Variants in CBFA2T2 observed in about 807,000 individuals in gnomAD.
CBFA2T2 encodes the protein CBFA2/RUNX1 partner transcriptional co-repressor 2.
In CBFA2T2, 11 loss-of-function variants were observed where a neutral mutation model predicts 62.2. That is an observed-to-expected ratio of 0.18 (90% CI 0.11 to 0.29). The LOEUF is 0.29. Ranked by LOEUF, CBFA2T2 falls within the 10% of genes least tolerant of loss-of-function variation. The pLI is 1.00. For synonymous variants in CBFA2T2, 295 were observed against 287.5 expected (o/e 1.03, Z -0.27); for missense variants, 592 against 774.1 (o/e 0.76, Z 2.79).
chr20:33,504,803 G>C lies in CBFA2T2; in HGVS notation c.34+14502G>C, dbSNP rs183272388. ...TAATGTATGACAGTTTCACTTGCTTGTTGGTATTTTTGTTTTGTTTTGTTT... is the reference window on the plus strand; with the variant it reads ...TAATGTATGACAGTTTCACTTGCTTCTTGGTATTTTTGTTTTGTTTTGTTT... On this transcript the variant is annotated intron_variant, in intron 1 of 10. Coordinates refer to ENST00000342704, the MANE Select transcript of CBFA2T2 (RefSeq NM_001032999.3). 4.6e-5 allele frequency among the ~76,000 whole-genome samples: 7 copies of C among 152,182 alleles called. No homozygotes were observed. The East Asian group carries it at 1.3e-3, about 29-fold the overall frequency.
In CBFA2T2 at chr20:33,611,342, A is replaced by G; in HGVS notation, c.420+7A>G. The G allele has an allele frequency of 6.2e-7, 1 of 1,613,128 alleles. No homozygotes were observed. The highest frequency in any genetic ancestry group is 8.5e-7 in the Non-Finnish European group (1 of 1,179,124). The stretch of plus-strand genomic sequence containing the variant: ...TCTTGTTCTTGCACTGGTGGTAAGT[A>G]CAGCCTCACTGTTGTTCTCAGCTGC... On this transcript the variant is annotated splice_region_variant and intron_variant, in intron 3 of 10. Coordinates refer to ENST00000342704, the MANE Select transcript of CBFA2T2 (RefSeq NM_001032999.3).
intron 1 of CBFA2T2, among the ~76,000 whole-genome samples, chr20:33,584,858 A>G (rs970764757): frequency 1.3e-5 from 2 of 152,168 alleles, no homozygotes; most frequent in African/African-American, 4.8e-5. Context: ...CCAAAACATG[A>G]TATCCTTTAA....
rs539250507 is a variant in CBFA2T2 at position 33,541,353 on chromosome 20, TC to T, written c.34+51054del. The stretch of plus-strand genomic sequence containing the variant: ...TTTTAGCAGGGAATGTGAATGGAAA[TC>T]CATATACCCGCCCATCTCCATTGGT... On this transcript the variant is annotated intron_variant, in intron 1 of 10. Coordinates refer to ENST00000342704, the MANE Select transcript of CBFA2T2 (RefSeq NM_001032999.3). Among the ~76,000 whole-genome samples, 353 of 152,340 alleles carry T rather than the reference TC, an allele frequency of 2.3e-3. 2 individuals are homozygous for T. Among genetic ancestry groups the T allele is most frequent in the African/African-American group, 8.2e-3 (339 of 41,580 alleles).
chr20:33,627,643 A>G (rs534670207), intron 6 of CBFA2T2, among the ~76,000 whole-genome samples: 1 of 152,226 alleles, frequency 6.6e-6, no homozygotes, highest in South Asian at 2.1e-4. Context: ...GGCTTTTATT[A>G]CTACATTTTT....
At chr20:33,597,091 A>G (rs2014926516) in intron 1 of CBFA2T2, among the ~76,000 whole-genome samples, 1 of 150,074 alleles carries the variant, frequency 6.7e-6, no homozygotes, top group African/African-American at 2.4e-5. Flanking sequence ...CACCTGGCTA[A>G]TTTTTTTTTG....
rs181457707 is a variant in CBFA2T2 at position 33,645,156 on chromosome 20, C to G, written c.*510C>G. The G allele has an allele frequency of 6.4e-6, 1 of 155,710 alleles. No individual in the cohort carries two copies. The highest frequency in any genetic ancestry group is 1.4e-5 in the Non-Finnish European group (1 of 70,386). 9.6% of individuals were successfully genotyped at this position (155,710 alleles called of 1,614,324 possible). A position where few individuals can be genotyped will look rare whatever the true frequency, so the allele number is the denominator to read the frequency against. On this transcript the variant is annotated 3_prime_UTR_variant, in exon 11 of 11. Coordinates refer to ENST00000342704, the MANE Select transcript of CBFA2T2 (RefSeq NM_001032999.3). ...CACGGGGACTTGGGTAAGCAACAGG[C>G]GGCATTCAGGACTCTTCTCAACCCT...
chr20:33,640,308 C>T (rs375267647), intron 9 of CBFA2T2, 33 bp from the exon 10 acceptor site: 20 of 1,590,030 alleles, frequency 1.3e-5, no homozygotes, highest in Admixed American at 8.6e-5. Context: ...AAAGATTTCT[C>T]GGCCAGTTGA....
intron 8 of CBFA2T2, among the ~76,000 whole-genome samples, chr20:33,634,670 C>CAAAAAAAA (rs758089440): frequency 1.3e-4 from 6 of 47,874 alleles, no homozygotes; most frequent in African/African-American, 2.7e-4. Flanking sequence ...ACCCTATGTC[C>CAAAAAAAA]AAAAAAAAAA....
chr20:33,549,498 A>G (rs1163535934), intron 1 of CBFA2T2, among the ~76,000 whole-genome samples: 1 of 152,240 alleles, frequency 6.6e-6, no homozygotes, highest in Non-Finnish European at 1.5e-5. Context: ...AAGAAGCCAC[A>G]AAAGATGACA....
chr20:33,555,648 TACATAACCAC>T (rs910852548), intron 1 of CBFA2T2, among the ~76,000 whole-genome samples: 7 of 152,238 alleles, frequency 4.6e-5, no homozygotes, highest in Admixed American at 1.3e-4. Flanking sequence ...GGCATTTTCT[TACATAACCAC>T]ACATAACCAC....
At chr20:33,609,206 A>G (rs1463876056) in intron 2 of CBFA2T2, among the ~76,000 whole-genome samples, 2 of 152,234 alleles carry the variant, frequency 1.3e-5, no homozygotes, top group Non-Finnish European at 2.9e-5. Context: ...AAATATAGAA[A>G]TAAACAAGCA....
At chr20:33,557,002 A>C (rs1013253962) in intron 1 of CBFA2T2, among the ~76,000 whole-genome samples, 3 of 59,510 alleles carry the variant, frequency 5.0e-5, no homozygotes, top group African/African-American at 1.7e-4. Context: ...TTGCATGCTT[A>C]TCTTTTTTTT....
rs145137637 is a variant in CBFA2T2 at position 33,617,356 on chromosome 20, A to T, written c.421-2161A>T. Among the ~76,000 whole-genome samples the T allele has an allele frequency of 3.5e-3, 534 of 152,318 alleles. 3 individuals carry two copies. Among genetic ancestry groups the T allele is most frequent in the Middle Eastern group, 0.01 (3 of 294 alleles). ...GCCTCTTTTCCCACTAGACTATGAG[A>T]TCTTTGAGGGGAAGAAACAAACAAT... On this transcript the variant is annotated intron_variant, in intron 3 of 10. Transcript: ENST00000342704.
At chr20:33,627,558 G>A (rs928973181) in intron 6 of CBFA2T2, among the ~76,000 whole-genome samples, 9 of 152,110 alleles carry the variant, frequency 5.9e-5, no homozygotes, top group African/African-American at 2.2e-4. Flanking sequence ...GCCCAAGCTG[G>A]ACCCCTGGGC....
intron 1 of CBFA2T2, among the ~76,000 whole-genome samples, chr20:33,534,915 A>C (rs1169754227): frequency 1.3e-5 from 2 of 152,118 alleles, no homozygotes; most frequent in Non-Finnish European, 2.9e-5. Context: ...ATAATGAGAA[A>C]CTGTGAAATG....
intron 1 of CBFA2T2, among the ~76,000 whole-genome samples, chr20:33,599,980 C>T (rs145719216): frequency 1.1e-3 from 165 of 152,106 alleles, no homozygotes; most frequent in African/African-American, 3.7e-3. Flanking sequence ...CTGGCCATCT[C>T]GGCATATGAA....
At chr20:33,546,426 C>CT (rs151217037) in intron 1 of CBFA2T2, among the ~76,000 whole-genome samples, 1,449 of 136,178 alleles carry the variant, frequency 0.011, 10 homozygotes, top group South Asian at 0.023. Context: ...TCTGGATATA[C>CT]TTTTTTTTTT....
At chr20:33,589,026 A>G (rs2014500337) in intron 1 of CBFA2T2, among the ~76,000 whole-genome samples, 1 of 152,206 alleles carries the variant, frequency 6.6e-6, no homozygotes, top group South Asian at 2.1e-4. Context: ...CCCTAAAAAA[A>G]TGCATTTGAT....
At chr20:33,492,781 G>A (rs2011157722) in intron 1 of CBFA2T2, among the ~76,000 whole-genome samples, 1 of 152,092 alleles carries the variant, frequency 6.6e-6, no homozygotes, top group African/African-American at 2.4e-5. Flanking sequence ...AAATTGCTGG[G>A]ATTAAAGTCA....
Sources: gnomAD v4.1 joint callset for allele counts (sites outside exome capture counted in the v4.1 genomes callset) on GRCh38, gnomAD v4.1.1 for gene constraint, MANE v1.5 for transcripts, NCBI Gene and HGNC (gene_info 2026-07-23, HGNC 2026-07-21) for gene names.